The following SNX19 variants were observed in gnomAD, a reference collection of about 807,000 sequenced individuals.
SNX19 encodes sorting nexin-19.
SNX19 carries 60 observed loss-of-function variants against 85.2 expected under a neutral mutation model. The ratio of observed to expected loss-of-function variants is 0.70; its 90% CI spans 0.57 to 0.87. The LOEUF is 0.87. SNX19 is among the 40% of genes least tolerant of loss of function. The pLI, the probability that SNX19 is intolerant of heterozygous loss-of-function variation, is 0.00. For missense variants in SNX19, 1,201 were observed against 1,217.8 expected, an observed-to-expected ratio of 0.99 and a Z score of 0.21; for synonymous variants, 520 against 470.0, an observed-to-expected ratio of 1.11 and a Z score of -1.38.
intron 9 of SNX19, 40 bp downstream of exon 9, chr11:130,880,582 G>C (rs762993431): frequency 1.1e-5 from 17 of 1,516,340 alleles, no homozygotes; most frequent in Middle Eastern, 2.4e-4. Flanking sequence ...GAATGGAAGA[G>C]AAATGTGATT....
intron 8 of SNX19, among the ~76,000 whole-genome samples, chr11:130,882,368 G>C (rs1943741712): frequency 6.6e-6 from 1 of 152,242 alleles, no homozygotes; most frequent in Non-Finnish European, 1.5e-5. Context: ...CAAGAGCAGA[G>C]GGGGCTGCCA....
Position 130,914,478 on chromosome 11 carries a change from T to C in SNX19, c.1462A>G (p.Thr488Ala). ...SRPSCLEKDLTNDVSSLDPTL... is the reference protein window; with the variant it reads ...SRPSCLEKDLANDVSSLDPTL... ...GGATCAAGGGAGCTCACATCATTGG[T>C]GAGATCCTTCTCTAAGCATGACGGC... is the stretch of plus-strand genomic sequence containing the variant. The change falls in exon 1 of 11, where the codon ACC (threonine) becomes GCC (alanine). Residue 488 changes from threonine (T) to alanine (A), a missense_variant. By Grantham distance (58) the Thr-to-Ala change is moderately conservative. Coordinates refer to ENST00000265909, the MANE Select transcript of SNX19 (RefSeq NM_014758.3). 1 of 1,613,872 alleles carries C rather than the reference T, an allele frequency of 6.2e-7. No individual in the cohort carries two copies. Among genetic ancestry groups the C allele is most frequent in the Non-Finnish European group, 8.5e-7 (1 of 1,179,804 alleles).
rs757341154 is a variant in SNX19, at chr11:130,915,563, G to A, written c.377C>T (p.Ala126Val). The change falls in exon 1 of 11, where the codon GCC becomes GTC. Residue 126 changes from alanine (A) to valine (V), a missense_variant. Around this residue, in one of 3 missense-constraint regions of SNX19, gnomAD observed 791 missense variants for 750.9 expected, o/e 1.05. Coordinates refer to ENST00000265909, the MANE Select transcript of SNX19 (RefSeq NM_014758.3). ...SWYRSVSQEPAFEEEMEAAMK... is the reference protein window; with the variant it reads ...SWYRSVSQEPVFEEEMEAAMK... Reference sequence around the variant, plus strand: ...GGCTGCCTCCATTTCTTCCTCAAAGGCTGGCTCCTGGCTCACGGAACGGTA... The same window carrying A: ...GGCTGCCTCCATTTCTTCCTCAAAGACTGGCTCCTGGCTCACGGAACGGTA... 8.7e-6 allele frequency: 14 copies of A among 1,614,178 alleles called. No homozygotes were observed. The South Asian group carries it at 1.5e-4, about 18-fold the overall frequency.
chr11:130,868,425 C>T lies in SNX19; in HGVS notation c.*9997G>A, dbSNP rs919975738. 3 of 152,174 alleles carry T rather than the reference C, an allele frequency of 2.0e-5. No individual in the cohort carries two copies. Among genetic ancestry groups the T allele is most frequent in the African/African-American group, 7.2e-5 (3 of 41,436 alleles). 9.4% of individuals were successfully genotyped at this position (152,174 alleles called of 1,614,324 possible). ...CTGTGGCGATACAGAGGCCCCTTCA[C>T]CCCAGCAACCAAGAGGCTACAGCTG... On this transcript the variant is annotated 3_prime_UTR_variant, in exon 11 of 11. Coordinates refer to ENST00000265909, the MANE Select transcript of SNX19 (RefSeq NM_014758.3).
At chr11:130,892,194 A>C (rs1944547160) in intron 8 of SNX19, among the ~76,000 whole-genome samples, 2 of 150,260 alleles carry the variant, frequency 1.3e-5, no homozygotes, top group Non-Finnish European at 3.0e-5. Context: ...AAGTCTTTCA[A>C]GTCAACCTTT....
In SNX19 at chr11:130,866,313, A is replaced by C. The variant is rs1319925725; in HGVS notation, c.*12109T>G. 6.6e-6 allele frequency: 1 copy of C among 152,254 alleles called. No homozygotes were observed. The highest frequency in any genetic ancestry group is 2.4e-5 in the African/African-American group (1 of 41,468). The allele number at this position is 152,254 out of a possible 1,614,324, so 9.4% of individuals were successfully genotyped here. On this transcript the variant is annotated 3_prime_UTR_variant, in exon 11 of 11. Coordinates refer to ENST00000265909, the MANE Select transcript of SNX19 (RefSeq NM_014758.3). The stretch of plus-strand genomic sequence containing the variant: ...CAGGAGAGAGTACAAACCAACATGC[A>C]ACATAGTCTTCATTCTTAAAAAGTA...
intron 8 of SNX19, among the ~76,000 whole-genome samples, chr11:130,895,683 C>G (rs1367283506): frequency 1.3e-5 from 2 of 152,078 alleles, no homozygotes; most frequent in African/African-American, 4.8e-5. Flanking sequence ...AATTTTGTAC[C>G]TCTATTTGAG....
intron 7 of SNX19, chr11:130,905,621 G>A (rs1034660376): frequency 9.8e-6 from 14 of 1,431,772 alleles, no homozygotes; most frequent in Admixed American, 2.5e-5. Flanking sequence ...GAGACACTAA[G>A]GGAAGAAAGT....
chr11:130,914,230 A>C (rs1424264433), intron 1 of SNX19, 36 bp downstream of exon 1: 3 of 1,503,452 alleles, frequency 2.0e-6, no homozygotes, highest in Middle Eastern at 1.8e-4. Flanking sequence ...ACCCACTCCT[A>C]GCCCGGGTGA....
At position 130,908,138 on chromosome 11, in the gene SNX19, C is replaced by T. The variant is rs887821236; in HGVS notation, c.2035-55G>A. On this transcript the variant is annotated intron_variant, in intron 4 of 10. Transcript: ENST00000265909. ...CATCCACATCCACAGATGGAAACCG[C>T]CAAGCAAGCAGTCGCCTCACAGCAC... The T allele has an allele frequency of 1.9e-5, 31 of 1,594,640 alleles. No homozygotes were observed. In the South Asian group the frequency reaches 3.5e-4, roughly 18 times the overall value.
At position 130,915,265 on chromosome 11, in the gene SNX19, G is replaced by T. The variant is rs577871054; in HGVS notation, c.675C>A (p.Pro225=). ...CGGTACGAGTCTCCAAGTGGGGCTT[G>T]GGCACCAGCCCTTGAAGCAACAAAT... ...VVNLLLQGLV[P]KPHLETRTGR... The change falls in exon 1 of 11, where the codon CCC becomes CCA. Residue 225 remains proline, a synonymous_variant. Transcript: ENST00000265909. 2.5e-6 allele frequency: 4 copies of T among 1,614,222 alleles called. No individual in the cohort carries two copies. The Admixed American group carries it at 6.7e-5, about 27-fold the overall frequency.
At chr11:130,897,137 G>A (rs1040731533) in intron 8 of SNX19, among the ~76,000 whole-genome samples, 5 of 152,144 alleles carry the variant, frequency 3.3e-5, no homozygotes, top group Non-Finnish European at 5.9e-5. Context: ...CTCTAAGAAA[G>A]TGATTCCAAG....
rs1433874974 is a variant in SNX19, at chr11:130,872,916, G to A, written c.*5506C>T. Reference sequence around the variant, plus strand: ...GATTGGACAAACAGCCGGTGTGGAGGGGGCTGTGGGAGGTACGGCTTGCCA... The same window carrying A: ...GATTGGACAAACAGCCGGTGTGGAGAGGGCTGTGGGAGGTACGGCTTGCCA... On this transcript the variant is annotated 3_prime_UTR_variant, in exon 11 of 11. Transcript: ENST00000265909. Among the ~76,000 whole-genome samples, 1 of 152,158 alleles carries A rather than the reference G, an allele frequency of 6.6e-6. No homozygotes were observed. Among genetic ancestry groups the A allele is most frequent in the Non-Finnish European group, 1.5e-5 (1 of 68,026 alleles).
chr11:130,911,611 A>C, intron 2 of SNX19, 22 bp downstream of exon 2: 1 of 1,613,808 alleles, frequency 6.2e-7, no homozygotes, highest in South Asian at 1.1e-5. Context: ...AGCGGGCAGT[A>C]GGGGTTGGGG....
rs1313261069 is a variant in SNX19 at position 130,908,100 on chromosome 11, T to C, written c.2035-17A>G. On this transcript the variant is annotated splice_polypyrimidine_tract_variant and intron_variant, in intron 4 of 10. Coordinates refer to ENST00000265909, the MANE Select transcript of SNX19 (RefSeq NM_014758.3). ...CACCACCATCTGCAGGGGTCAGAGG[T>C]GCAGGGTCAGTCCATCCACATCCAC... 2 of 1,612,732 alleles carry C rather than the reference T, an allele frequency of 1.2e-6. No homozygotes were observed. The highest frequency in any genetic ancestry group is 2.2e-5 in the South Asian group (2 of 90,952).
At chr11:130,893,530 T>G (rs1308698905) in intron 8 of SNX19, among the ~76,000 whole-genome samples, 1 of 152,112 alleles carries the variant, frequency 6.6e-6, no homozygotes, top group Non-Finnish European at 1.5e-5. Flanking sequence ...TACCCAAAAG[T>G]ATTTCCAGTT....
rs768347801 is a variant in SNX19, at chr11:130,906,104, C to T, written c.2292G>A (p.Met764Ile). The change falls in exon 7 of 11, where the codon ATG becomes ATA. Residue 764 changes from methionine (M) to isoleucine (I), a missense_variant. Transcript: ENST00000265909. Reference protein sequence around the residue: ...VESETLSMSAMESFIEKQTKL... With the variant: ...VESETLSMSAIESFIEKQTKL... ...TTGTCTGTTTTTCAATAAAAGATTCCATCGCAGACATGGATAGAGTCTCAG... is the reference window on the plus strand; with the variant it reads ...TTGTCTGTTTTTCAATAAAAGATTCTATCGCAGACATGGATAGAGTCTCAG... 48 of 1,613,898 alleles carry T rather than the reference C, an allele frequency of 3.0e-5. No individual in the cohort carries two copies. The highest frequency in any genetic ancestry group is 3.9e-5 in the Non-Finnish European group (46 of 1,179,988).
rs1942893735 is a variant in SNX19, at chr11:130,868,867, G to C, written c.*9555C>G. The C allele has an allele frequency of 6.6e-6, 1 of 152,162 alleles. No individual in the cohort carries two copies. Among genetic ancestry groups the C allele is most frequent in the South Asian group, 2.1e-4 (1 of 4,822 alleles). 9.4% of individuals were successfully genotyped at this position (152,162 alleles called of 1,614,324 possible). A position where few individuals can be genotyped will look rare whatever the true frequency, so the allele number is the denominator to read the frequency against. The stretch of plus-strand genomic sequence containing the variant: ...AAAGATGGAAAGAAAATTGCCAGAT[G>C]GGGATGAGGATTCCAAGCCTATCAG... On this transcript the variant is annotated 3_prime_UTR_variant, in exon 11 of 11. Transcript: ENST00000265909.
intron 8 of SNX19, among the ~76,000 whole-genome samples, chr11:130,882,101 G>A (rs1943720017): frequency 6.6e-6 from 1 of 152,150 alleles, no homozygotes; most frequent in Non-Finnish European, 1.5e-5. Context: ...GAGTTCAGCT[G>A]GAAACCTAGA....
Sources: gnomAD v4.1 joint callset for allele counts (sites outside exome capture counted in the v4.1 genomes callset) on GRCh38, gnomAD v4.1.1 for gene constraint, gnomAD v4.1.1 regional missense constraint, MANE v1.5 for transcripts, NCBI Gene and HGNC (gene_info 2026-07-23, HGNC 2026-07-21) for gene names.